Variants in DNTT observed in about 807,000 individuals in gnomAD.
DNTT encodes the protein nucleosidetriphosphate:DNA deoxynucleotidylexotransferase.
A neutral mutation model predicts 60.9 loss-of-function variants in DNTT; 47 were observed. The ratio of observed to expected loss-of-function variants is 0.77; its 90% CI spans 0.61 to 0.98. DNTT has a LOEUF of 0.98. DNTT is among the 50% of genes least tolerant of loss of function. The probability of loss-of-function intolerance (pLI) is 0.00; values close to 1 mark genes in which losing one functional copy is unlikely to be tolerated. For missense variants in DNTT, 665 were observed against 627.5 expected (o/e 1.06, Z -0.64); for synonymous variants, 224 against 221.2 (o/e 1.01, Z -0.11).
chr10:96,308,796 C>G (rs891164916), intron 1 of DNTT, among the ~76,000 whole-genome samples: 1 of 152,118 alleles, frequency 6.6e-6, no homozygotes, highest in African/African-American at 2.4e-5. Context: ...CAACAAAGTA[C>G]ATTCTTAAAG....
intron 1 of DNTT, among the ~76,000 whole-genome samples, chr10:96,307,996 C>T (rs1844665053): frequency 6.6e-6 from 1 of 151,738 alleles, no homozygotes; most frequent in Non-Finnish European, 1.5e-5. Flanking sequence ...CTAGCTCCTG[C>T]CTTCACCTCC....
intron 10 of DNTT, among the ~76,000 whole-genome samples, chr10:96,336,640 C>G (rs190062114): frequency 5.3e-4 from 81 of 152,218 alleles, no homozygotes; most frequent in Non-Finnish European, 1.0e-3. Context: ...GAAGAAAACT[C>G]AAAATAACTA....
chr10:96,314,668 T>A (rs1844765954), intron 1 of DNTT, among the ~76,000 whole-genome samples: 1 of 151,888 alleles, frequency 6.6e-6, no homozygotes, highest in Admixed American at 6.6e-5. Context: ...CCCCTCAGCC[T>A]CCCAAAGTGC....
chr10:96,312,134 G>A lies in DNTT; in HGVS notation c.204-6218G>A, dbSNP rs115456149. Among the ~76,000 whole-genome samples the A allele has an allele frequency of 1.4e-3, 213 of 152,272 alleles. 2 individuals are homozygous for A. Among genetic ancestry groups the A allele is most frequent in the Middle Eastern group, 6.8e-3 (2 of 294 alleles). ...TTATGTCACGTACCTGCAGAGAAACGAGTACCATGTTGGAAAACACAGCTG... is the reference window on the plus strand; with the variant it reads ...TTATGTCACGTACCTGCAGAGAAACAAGTACCATGTTGGAAAACACAGCTG... On this transcript the variant is annotated intron_variant, in intron 1 of 10. Transcript: ENST00000371174.
chr10:96,318,008 A>G (rs1350637842), intron 1 of DNTT, among the ~76,000 whole-genome samples: 1 of 152,212 alleles, frequency 6.6e-6, no homozygotes, highest in South Asian at 2.1e-4. Flanking sequence ...CTCCACTAGT[A>G]AAAATGGAGC....
intron 9 of DNTT, 71 bp from the exon 10 acceptor site, chr10:96,335,820 G>A: frequency 6.6e-7 from 1 of 1,515,750 alleles, no homozygotes; most frequent in Non-Finnish European, 9.2e-7. Flanking sequence ...TTTCACTAGA[G>A]GGATGTAGCC....
At position 96,307,363 on chromosome 10, in the gene DNTT, T is replaced by G. The variant is rs1244664725; in HGVS notation, c.203+2663T>G. Among the ~76,000 whole-genome samples, 11 of 136,766 alleles carry G rather than the reference T, an allele frequency of 8.0e-5. 1 individual carries two copies. The highest frequency in any genetic ancestry group is 5.1e-4 in the Admixed American group (7 of 13,618). 89.7% of individuals were successfully genotyped at this position (136,766 alleles called of 152,430 possible). A position where few individuals can be genotyped will look rare whatever the true frequency, so the allele number is the denominator to read the frequency against. ...TTCCAGTTTTTTTTTTTTTTTTTTT[T>G]TTTTTTTTTTTGAGACGGAGTCTCG... On this transcript the variant is annotated intron_variant, in intron 1 of 10. Coordinates refer to ENST00000371174, the MANE Select transcript of DNTT (RefSeq NM_004088.4).
At chr10:96,322,631 T>G in intron 4 of DNTT, 26 bp from the exon 5 acceptor site, 1 of 1,563,108 alleles carries the variant, frequency 6.4e-7, no homozygotes, top group Non-Finnish European at 8.7e-7. Context: ...ATCACTAATT[T>G]AAAATATTTT....
chr10:96,322,938 T>G (rs1263943169), intron 5 of DNTT, among the ~76,000 whole-genome samples: 2 of 152,192 alleles, frequency 1.3e-5, no homozygotes, highest in African/African-American at 4.8e-5. Context: ...CTTCTTCCTG[T>G]GTCCTCACAT....
chr10:96,322,622 T>C, intron 4 of DNTT, 35 bp from the exon 5 acceptor site: 1 of 1,539,214 alleles, frequency 6.5e-7, no homozygotes, highest in Non-Finnish European at 8.9e-7. Flanking sequence ...TTGTCCAACA[T>C]CACTAATTTA....
chr10:96,317,874 A>C (rs973326696), intron 1 of DNTT, among the ~76,000 whole-genome samples: 3 of 152,212 alleles, frequency 2.0e-5, no homozygotes, highest in African/African-American at 7.2e-5. Flanking sequence ...ACAGTTGCTT[A>C]AACCATGTAA....
At chr10:96,314,519 T>C (rs1490931731) in intron 1 of DNTT, among the ~76,000 whole-genome samples, 1 of 150,014 alleles carries the variant, frequency 6.7e-6, no homozygotes, top group Non-Finnish European at 1.5e-5. Flanking sequence ...TTCAAGTGAT[T>C]CTTCTGCCTC....
At chr10:96,329,116 C>T (rs1844974741) in intron 8 of DNTT, among the ~76,000 whole-genome samples, 1 of 152,168 alleles carries the variant, frequency 6.6e-6, no homozygotes, top group Non-Finnish European at 1.5e-5. Context: ...TTAAAGCACC[C>T]AATCAAAGTG....
intron 1 of DNTT, among the ~76,000 whole-genome samples, chr10:96,309,042 G>A (rs919807297): frequency 1.3e-5 from 2 of 152,148 alleles, no homozygotes; most frequent in Non-Finnish European, 2.9e-5. Flanking sequence ...TACTCTCTGT[G>A]TCTTGACCCA....
chr10:96,324,192 C>T (rs753970731), intron 5 of DNTT, 74 bp from the exon 6 acceptor site: 187 of 1,520,080 alleles, frequency 1.2e-4, no homozygotes, highest in Non-Finnish European at 1.6e-4. Context: ...TGCCTGAGAC[C>T]TAGAAAGGGT....
chr10:96,310,679 C>G (rs1389376576), intron 1 of DNTT, among the ~76,000 whole-genome samples: 1 of 152,202 alleles, frequency 6.6e-6, no homozygotes, highest in Non-Finnish European at 1.5e-5. Flanking sequence ...AATTACCCCT[C>G]TCTGACTCCA....
chr10:96,324,370 T>A lies in DNTT; in HGVS notation c.855T>A (p.Phe285Leu), dbSNP rs1255020936. Reference sequence around the variant, plus strand: ...TAAGGTCGGACAAAAGCCTGAAATTTACACGAATGCAGAAAGCAGGTAAAT... The same window carrying A: ...TAAGGTCGGACAAAAGCCTGAAATTAACACGAATGCAGAAAGCAGGTAAAT... ...SKVRSDKSLK[F>L]TRMQKAGFLY... The change falls in exon 6 of 11, where the codon TTT becomes TTA. Residue 285 changes from phenylalanine to leucine, a missense_variant. Coordinates refer to ENST00000371174, the MANE Select transcript of DNTT (RefSeq NM_004088.4). 7 of 1,613,848 alleles carry A rather than the reference T, an allele frequency of 4.3e-6. No homozygotes were observed. Among genetic ancestry groups the A allele is most frequent in the Non-Finnish European group, 5.9e-6 (7 of 1,179,798 alleles).
At chr10:96,313,931 C>T (rs1377281556) in intron 1 of DNTT, among the ~76,000 whole-genome samples, 1 of 152,166 alleles carries the variant, frequency 6.6e-6, no homozygotes, top group East Asian at 1.9e-4. Context: ...CGTCCATCTC[C>T]CTCAGAGGTT....
rs1483716632 is a variant in DNTT, at chr10:96,308,781, G to A, written c.203+4081G>A. ...AGCAATGTTTTGTGGGCAGGGGGCG[G>A]ATCTCAACAAAGTACATTCTTAAAG... is the stretch of plus-strand genomic sequence containing the variant. On this transcript the variant is annotated intron_variant, in intron 1 of 10. Transcript: ENST00000371174. Among the ~76,000 whole-genome samples the A allele has an allele frequency of 2.0e-5, 3 of 152,154 alleles. No homozygotes were observed. The East Asian group carries it at 5.8e-4, about 29-fold the overall frequency.
Sources: gnomAD v4.1 joint callset for allele counts (sites outside exome capture counted in the v4.1 genomes callset) on GRCh38, gnomAD v4.1.1 for gene constraint, MANE v1.5 for transcripts, NCBI Gene and HGNC (gene_info 2026-07-23, HGNC 2026-07-21) for gene names.